ULK4: variants seen among roughly 807,000 people sequenced by gnomAD.
The protein encoded by ULK4 is inactive serine/threonine-protein kinase ULK4.
In ULK4, 133 loss-of-function variants were observed where a neutral mutation model predicts 160.6. The observed-to-expected ratio is 0.83, with a 90% CI of 0.72 to 0.96. ULK4 has a LOEUF of 0.96. ULK4 is among the 40% of genes least tolerant of loss of function. The pLI is 0.00. For missense variants in ULK4, 1,580 were observed against 1,499.5 expected, an observed-to-expected ratio of 1.05 and a Z score of -0.89; for synonymous variants, 534 against 539.8, an observed-to-expected ratio of 0.99 and a Z score of 0.15.
intron 2 of ULK4, among the ~76,000 whole-genome samples, chr3:41,953,820 G>T (rs1324517196): frequency 2.0e-5 from 3 of 152,142 alleles, no homozygotes; most frequent in Non-Finnish European, 2.9e-5. Context: ...GGCTGAGGCA[G>T]GCAGACTGCT....
chr3:41,559,133 T>TTTC (rs2125590602), intron 32 of ULK4, among the ~76,000 whole-genome samples: 1 of 150,868 alleles, frequency 6.6e-6, no homozygotes, highest in East Asian at 2.0e-4. Context: ...AGTGTTTGGT[T>TTTC]TTCTGTCCTT....
Position 41,715,291 on chromosome 3 carries a change from T to C in ULK4, c.2580A>G (p.Val860=), listed in dbSNP as rs1395586999. Residue 860 remains valine (V), a splice_region_variant and synonymous_variant, in exon 25 of 37, where the codon GTA becomes GTG. Transcript: ENST00000301831. Reference sequence around the variant, plus strand: ...CTTCTGTCACAACTTGAGGTCGAAATACCTGTGTGATGAGAGTTTCTACAG... The same window carrying C: ...CTTCTGTCACAACTTGAGGTCGAAACACCTGTGTGATGAGAGTTTCTACAG... ...PVVLHLVTSQ[V]FRPQVVTEEF... is the part of the protein sequence containing the mutation. 16 of 1,613,762 alleles carry C rather than the reference T, an allele frequency of 9.9e-6. No homozygotes were observed. Among genetic ancestry groups the C allele is most frequent in the African/African-American group, 1.3e-5 (1 of 74,914 alleles).
intron 22 of ULK4, among the ~76,000 whole-genome samples, chr3:41,730,222 T>C (rs2037779033): frequency 6.6e-6 from 1 of 152,074 alleles, no homozygotes; most frequent in Non-Finnish European, 1.5e-5. Context: ...CCAAACATTA[T>C]ACTTCAAGGA....
intron 32 of ULK4, among the ~76,000 whole-genome samples, chr3:41,563,984 C>T (rs1460619581): frequency 6.6e-6 from 1 of 152,150 alleles, no homozygotes; most frequent in Admixed American, 6.5e-5. Context: ...TGGTTTCTCC[C>T]CATCTTTGTG....
intron 2 of ULK4, among the ~76,000 whole-genome samples, chr3:41,949,281 C>T (rs1490562503): frequency 6.6e-6 from 1 of 151,778 alleles, no homozygotes; most frequent in Non-Finnish European, 1.5e-5. Context: ...TGAACTCCTG[C>T]CTGGATAGAC....
At chr3:41,723,088 A>G (rs1166340695) in intron 22 of ULK4, among the ~76,000 whole-genome samples, 1 of 152,132 alleles carries the variant, frequency 6.6e-6, no homozygotes. Context: ...TTTAATTTCT[A>G]CCCATCTATT....
At chr3:41,855,066 C>T (rs1362118635) in intron 17 of ULK4, among the ~76,000 whole-genome samples, 1 of 151,876 alleles carries the variant, frequency 6.6e-6, no homozygotes, top group Non-Finnish European at 1.5e-5. Flanking sequence ...AATCTACCCA[C>T]CAAGCAACTG....
intron 32 of ULK4, among the ~76,000 whole-genome samples, chr3:41,506,767 A>AAAAAAAAAAAAAAATATATATATATAT: frequency 1.4e-4 from 8 of 56,794 alleles, no homozygotes; most frequent in African/African-American, 6.5e-4. Flanking sequence ...TGTGATTTAA[A>AAAAAAAAAAAAAAATATATATATATAT]ATATATATAT....
chr3:41,816,411 C>A (rs1289158325), intron 19 of ULK4, among the ~76,000 whole-genome samples: 2 of 152,084 alleles, frequency 1.3e-5, no homozygotes, highest in Non-Finnish European at 2.9e-5. Flanking sequence ...AGGAAAAAAA[C>A]AAGTTTAAGA....
chr3:41,586,163 A>T (rs1481790837), intron 31 of ULK4, among the ~76,000 whole-genome samples: 1 of 152,212 alleles, frequency 6.6e-6, no homozygotes, highest in Non-Finnish European at 1.5e-5. Context: ...ATCCAAAAGA[A>T]TTCAAAATAG....
At chr3:41,341,721 G>A (rs1336789955) in intron 35 of ULK4, among the ~76,000 whole-genome samples, 1 of 152,138 alleles carries the variant, frequency 6.6e-6, no homozygotes, top group African/African-American at 2.4e-5. Flanking sequence ...AGCCACATTT[G>A]GTCCTACAGG....
rs1178102370 is a variant in ULK4, at chr3:41,883,971, CAG to C, written c.1578-21_1578-20del. The C allele has an allele frequency of 1.3e-6, 2 of 1,574,756 alleles. No individual in the cohort carries two copies. Among genetic ancestry groups the C allele is most frequent in the Non-Finnish European group, 1.7e-6 (2 of 1,143,652 alleles). On this transcript the variant is annotated intron_variant, in intron 16 of 36. Coordinates refer to ENST00000301831, the MANE Select transcript of ULK4 (RefSeq NM_017886.4). Reference sequence around the variant, plus strand: ...GGCCCGTCTGTAAATGGAGAGAAAACAGGCTCTGAAAAGAAGAGTCGGGGACC... The same window carrying C: ...GGCCCGTCTGTAAATGGAGAGAAAACGCTCTGAAAAGAAGAGTCGGGGACC...
chr3:41,930,236 TTTCCTATTTAATAGGAAATCCTATTGTG>T (rs140324600), intron 5 of ULK4, among the ~76,000 whole-genome samples: 19,135 of 151,768 alleles, frequency 0.13, 1,379 homozygotes, highest in Middle Eastern at 0.27. Context: ...GGGGAAAGGA[TTTCCTATTTAATAGGAAATCCTATTGTG>T]TTGGGAAAAC....
At chr3:41,307,154 TAAATTA>T (rs1222118725) in intron 35 of ULK4, among the ~76,000 whole-genome samples, 20 of 110,618 alleles carry the variant, frequency 1.8e-4, no homozygotes, top group African/African-American at 8.3e-4. Context: ...AAAAAATAAA[TAAATTA>T]AAAAAAAAAA....
chr3:41,808,823 G>C (rs891348599), intron 19 of ULK4, among the ~76,000 whole-genome samples: 45 of 152,114 alleles, frequency 3.0e-4, no homozygotes, highest in Admixed American at 2.9e-3. Context: ...ACCAGTTTAA[G>C]TCTCCTGGGC....
At chr3:41,689,080 T>A (rs902174056) in intron 27 of ULK4, among the ~76,000 whole-genome samples, 3 of 152,210 alleles carry the variant, frequency 2.0e-5, no homozygotes, top group African/African-American at 7.2e-5. Flanking sequence ...CTGCTTCTAA[T>A]GAGCCCACTT....
intron 16 of ULK4, among the ~76,000 whole-genome samples, chr3:41,891,781 T>C (rs1444103924): frequency 6.6e-6 from 1 of 152,156 alleles, no homozygotes; most frequent in East Asian, 1.9e-4. Context: ...GGCAGGTGCC[T>C]ATAATCCCAG....
At chr3:41,717,036 G>T (rs1172040827) in intron 23 of ULK4, among the ~76,000 whole-genome samples, 1 of 152,050 alleles carries the variant, frequency 6.6e-6, no homozygotes, top group African/African-American at 2.4e-5. Flanking sequence ...GATAACAAAG[G>T]CTGAGAAGGG....
chr3:41,375,288 A>T (rs2081461734), intron 35 of ULK4, among the ~76,000 whole-genome samples: 1 of 152,170 alleles, frequency 6.6e-6, no homozygotes, highest in African/African-American at 2.4e-5. Flanking sequence ...ACTACTTTAA[A>T]ATTCATATGG....
Sources: allele counts gnomAD v4.1 joint callset (sites outside exome capture counted in the v4.1 genomes callset), GRCh38; gene constraint gnomAD v4.1.1; transcripts MANE v1.5; gene names NCBI Gene and HGNC (gene_info 2026-07-23, HGNC 2026-07-21).